NDUFAF2: variants seen among roughly 807,000 people sequenced by gnomAD.
NDUFAF2 encodes NADH:ubiquinone oxidoreductase complex assembly factor 2.
NDUFAF2 carries 13 observed loss-of-function variants against 22.8 expected under a neutral mutation model. The observed-to-expected ratio is 0.57, with a 90% CI of 0.37 to 0.91. The LOEUF is 0.91. Ranked by LOEUF, NDUFAF2 falls within the 40% of genes least tolerant of loss-of-function variation. NDUFAF2 has a pLI of 0.01. For synonymous variants in NDUFAF2, 53 were observed against 64.2 expected, an observed-to-expected ratio of 0.83 and a Z score of 0.84; for missense variants, 162 against 195.2, an observed-to-expected ratio of 0.83 and a Z score of 1.01.
intron 1 of NDUFAF2, among the ~76,000 whole-genome samples, chr5:61,003,716 T>C (rs1580089592): frequency 1.3e-5 from 2 of 150,878 alleles, no homozygotes; most frequent in African/African-American, 4.9e-5. Context: ...AGTGGCATGA[T>C]CGTAGCTCAC....
intron 1 of NDUFAF2, among the ~76,000 whole-genome samples, chr5:60,987,910 G>A (rs1227923165): frequency 6.6e-6 from 1 of 152,066 alleles, no homozygotes; most frequent in South Asian, 2.1e-4. Context: ...ACATAATACT[G>A]GAAGTTCCAG....
At chr5:60,961,349 A>G (rs1414283510) in intron 1 of NDUFAF2, among the ~76,000 whole-genome samples, 1 of 152,018 alleles carries the variant, frequency 6.6e-6, no homozygotes, top group Non-Finnish European at 1.5e-5. Context: ...TAATCCCAGC[A>G]CTTTGGGAGG....
At chr5:61,025,529 G>T (rs1751639163) in intron 1 of NDUFAF2, among the ~76,000 whole-genome samples, 1 of 151,970 alleles carries the variant, frequency 6.6e-6, no homozygotes, top group African/African-American at 2.4e-5. Context: ...TTATTTAAAA[G>T]CAGTTCTATT....
In NDUFAF2 at chr5:61,123,571, T is replaced by G. The variant is rs571647932; in HGVS notation, c.258+24539T>G. ...TCATTGCATAGCACGTAACTGTAAT[T>G]AAATCCAACTTACTTTGTAACCGTA... On this transcript the variant is annotated intron_variant, in intron 3 of 3. Transcript: ENST00000296597. 5.9e-5 allele frequency among the ~76,000 whole-genome samples: 9 copies of G among 152,314 alleles called. No homozygotes were observed. In the East Asian group the frequency reaches 1.7e-3, roughly 29 times the overall value.
chr5:60,955,919 G>T lies in NDUFAF2; in HGVS notation c.127+10537G>T, dbSNP rs1302862599. ...CAATAGATTTTTGTATGTTGACTTT[G>T]TTTTTTTTTTTTTGAGATAGAGTCT... is the stretch of plus-strand genomic sequence containing the variant. On this transcript the variant is annotated intron_variant, in intron 1 of 3. Transcript: ENST00000296597. Among the ~76,000 whole-genome samples, 20 of 144,022 alleles carry T rather than the reference G, an allele frequency of 1.4e-4. 2 individuals carry two copies. In the South Asian group the frequency reaches 3.7e-3, roughly 27 times the overall value. The allele number at this position is 144,022 out of a possible 152,430, so 94.5% of individuals were successfully genotyped here.
intron 1 of NDUFAF2, among the ~76,000 whole-genome samples, chr5:61,056,483 A>C (rs1006337951): frequency 2.6e-5 from 4 of 152,172 alleles, no homozygotes; most frequent in Non-Finnish European, 4.4e-5. Context: ...ATATCTTTCT[A>C]ACAGCGAACT....
At chr5:61,048,653 C>T (rs1751985420) in intron 1 of NDUFAF2, among the ~76,000 whole-genome samples, 1 of 152,118 alleles carries the variant, frequency 6.6e-6, no homozygotes, top group Non-Finnish European at 1.5e-5. Flanking sequence ...CCTTGTTTCC[C>T]AGTCTCAGCA....
intron 1 of NDUFAF2, among the ~76,000 whole-genome samples, chr5:60,993,191 G>A (rs1751183372): frequency 6.6e-6 from 1 of 152,248 alleles, no homozygotes; most frequent in Non-Finnish European, 1.5e-5. Context: ...CTGGCTCTTT[G>A]TGAGGCTGCA....
intron 3 of NDUFAF2, among the ~76,000 whole-genome samples, chr5:61,126,931 C>T (rs975839584): frequency 2.0e-5 from 3 of 151,960 alleles, no homozygotes. Flanking sequence ...CAAATAAACA[C>T]AATAAAAAAT....
chr5:60,961,378 G>A (rs1164080216), intron 1 of NDUFAF2, among the ~76,000 whole-genome samples: 1 of 151,972 alleles, frequency 6.6e-6, no homozygotes, highest in Non-Finnish European at 1.5e-5. Context: ...GGTGGGTCAC[G>A]AGGTCAGGAG....
intron 1 of NDUFAF2, among the ~76,000 whole-genome samples, chr5:60,981,931 C>T (rs1750983926): frequency 6.6e-6 from 1 of 152,064 alleles, no homozygotes; most frequent in Non-Finnish European, 1.5e-5. Flanking sequence ...ACCCGTCTCT[C>T]ACCATATACA....
At chr5:61,015,372 C>T (rs1751492423) in intron 1 of NDUFAF2, among the ~76,000 whole-genome samples, 2 of 152,270 alleles carry the variant, frequency 1.3e-5, no homozygotes, top group Admixed American at 6.5e-5. Flanking sequence ...ACCTCTGCCT[C>T]CTGGGTTCAA....
chr5:61,023,521 A>G (rs895956018), intron 1 of NDUFAF2, among the ~76,000 whole-genome samples: 7 of 152,284 alleles, frequency 4.6e-5, no homozygotes, highest in African/African-American at 1.7e-4. Context: ...ATGGAAGTCC[A>G]GTATAGTATG....
chr5:61,010,307 G>A (rs926123904), intron 1 of NDUFAF2, among the ~76,000 whole-genome samples: 1 of 152,048 alleles, frequency 6.6e-6, no homozygotes, highest in African/African-American at 2.4e-5. Context: ...TTATTACAAG[G>A]TGTCTGGTCT....
At chr5:61,089,569 G>A (rs1229775107) in intron 2 of NDUFAF2, among the ~76,000 whole-genome samples, 1 of 152,084 alleles carries the variant, frequency 6.6e-6, no homozygotes, top group African/African-American at 2.4e-5. Flanking sequence ...ACAAATAGTA[G>A]TGGCATCACT....
At chr5:61,143,184 A>T (rs1490672562) in intron 3 of NDUFAF2, among the ~76,000 whole-genome samples, 5 of 152,166 alleles carry the variant, frequency 3.3e-5, no homozygotes, top group African/African-American at 1.2e-4. Context: ...CTTTCTGGGC[A>T]TGACTATCTA....
intron 3 of NDUFAF2, among the ~76,000 whole-genome samples, chr5:61,107,046 T>TACACACACAAACACACAC (rs1752774264): frequency 8.1e-6 from 1 of 123,938 alleles, no homozygotes; most frequent in Admixed American, 8.8e-5. Flanking sequence ...TGGATAAATA[T>TACACACACAAACACACAC]ACACACACAC....
intron 3 of NDUFAF2, among the ~76,000 whole-genome samples, chr5:61,148,649 T>C (rs889332656): frequency 2.0e-5 from 3 of 152,192 alleles, no homozygotes; most frequent in Admixed American, 2.0e-4. Flanking sequence ...TTAAATAATA[T>C]TCATAGAGTC....
At chr5:61,064,939 GT>G (rs932960164) in intron 1 of NDUFAF2, among the ~76,000 whole-genome samples, 2 of 151,660 alleles carry the variant, frequency 1.3e-5, no homozygotes, top group African/African-American at 4.8e-5. Context: ...CAAAGAGTTG[GT>G]TTTTTGAAAA....
Sources: allele counts gnomAD v4.1 joint callset (sites outside exome capture counted in the v4.1 genomes callset), GRCh38; gene constraint gnomAD v4.1.1; transcripts MANE v1.5; gene names NCBI Gene and HGNC (gene_info 2026-07-23, HGNC 2026-07-21).